Variants in SUMF1 observed in about 807,000 individuals in gnomAD.
SUMF1 encodes the protein sulfatase modifying factor 1, also known as formylglycine-generating enzyme.
In SUMF1, 48 loss-of-function variants were observed where a neutral mutation model predicts 47.6. The observed-to-expected ratio is 1.01, with a 90% CI of 0.80 to 1.28. SUMF1 has a LOEUF of 1.28. Among genes scored for constraint, SUMF1 ranks in the 50% most tolerant of loss-of-function variants. The pLI, the probability that SUMF1 is intolerant of heterozygous loss-of-function variation, is 0.00. For synonymous variants in SUMF1, 230 were observed against 192.1 expected (o/e 1.20, Z -1.63); for missense variants, 571 against 485.4 (o/e 1.18, Z -1.66).
At chr3:4,092,746 C>T (rs989820517) in intron 8 of SUMF1, among the ~76,000 whole-genome samples, 8 of 152,138 alleles carry the variant, frequency 5.3e-5, no homozygotes, top group South Asian at 2.1e-4. Flanking sequence ...TCATTTAGAA[C>T]ACAATCCAAG....
chr3:4,417,300 T>A (rs1177628764), intron 5 of SUMF1, 58 bp from the exon 6 acceptor site: 6 of 1,425,202 alleles, frequency 4.2e-6, no homozygotes, highest in Non-Finnish European at 5.9e-6. Context: ...TGGATGAAAG[T>A]CAAGAGAAGG....
intron 7 of SUMF1, among the ~76,000 whole-genome samples, chr3:4,405,000 C>T (rs1559277945): frequency 1.3e-5 from 2 of 152,090 alleles, no homozygotes; most frequent in Non-Finnish European, 2.9e-5. Flanking sequence ...GCAGTCTCAT[C>T]GCCTGGGCAG....
At chr3:4,415,897 G>C (rs1701695850) in intron 6 of SUMF1, among the ~76,000 whole-genome samples, 1 of 152,186 alleles carries the variant, frequency 6.6e-6, no homozygotes, top group Admixed American at 6.5e-5. Flanking sequence ...TCTGCCAGGG[G>C]AGGACACAGC....
intron 8 of SUMF1, among the ~76,000 whole-genome samples, chr3:4,371,587 T>C (rs1304331870): frequency 6.6e-6 from 1 of 152,210 alleles, no homozygotes; most frequent in Non-Finnish European, 1.5e-5. Flanking sequence ...CCAACTCCTT[T>C]TGCTCTTCAT....
At chr3:4,180,683 A>ACACACACACACACACACAC (rs1553606607) in intron 8 of SUMF1, among the ~76,000 whole-genome samples, 1 of 139,642 alleles carries the variant, frequency 7.2e-6, no homozygotes, top group South Asian at 2.4e-4. Context: ...CCTAGAACTT[A>ACACACACACACACACACAC]ACACACACAC....
In SUMF1 at chr3:4,067,579, C is replaced by T. The variant is rs528715173; in HGVS notation, c.1191+990G>A. ...CAGATAAGGCATTCTGTACAGGAGG[C>T]AATTGAGCAAGCTCTGGGGCATCCC... On this transcript the variant is annotated intron_variant and NMD_transcript_variant, in intron 9 of 12. Transcript: ENST00000448413. Among the ~76,000 whole-genome samples, 155 of 152,300 alleles carry T rather than the reference C, an allele frequency of 1.0e-3. 2 individuals carry two copies. The highest frequency in any genetic ancestry group is 3.3e-3 in the African/African-American group (139 of 41,576).
At chr3:4,182,694 G>C (rs1001168604) in intron 8 of SUMF1, among the ~76,000 whole-genome samples, 16 of 152,024 alleles carry the variant, frequency 1.1e-4, no homozygotes, top group Admixed American at 1.3e-4. Context: ...AGGCATGATG[G>C]CAGGACAATG....
chr3:4,147,777 T>C (rs1694229489), intron 8 of SUMF1, among the ~76,000 whole-genome samples: 1 of 152,144 alleles, frequency 6.6e-6, no homozygotes, highest in Admixed American at 6.5e-5. Context: ...TTTTCCTGTA[T>C]ACCTAACCCA....
chr3:4,417,331 A>AAGCAAGCAATGTTCTCT, intron 5 of SUMF1, 89 bp from the exon 6 acceptor site: 1 of 1,027,402 alleles, frequency 9.7e-7, no homozygotes, highest in Non-Finnish European at 1.5e-6. Context: ...AAAAGAGAAC[A>AAGCAAGCAATGTTCTCT]TTGCTTGCTT....
At chr3:4,367,234 C>A (rs1353245702) in intron 8 of SUMF1, among the ~76,000 whole-genome samples, 1 of 152,152 alleles carries the variant, frequency 6.6e-6, no homozygotes, top group Admixed American at 6.5e-5. Context: ...CTGGGAGAAC[C>A]ACTGCTCTCT....
intron 3 of SUMF1, among the ~76,000 whole-genome samples, chr3:4,429,424 A>G (rs890383858): frequency 6.6e-5 from 10 of 152,186 alleles, no homozygotes; most frequent in Non-Finnish European, 1.0e-4. Flanking sequence ...GATTGCTTCT[A>G]TGTTATTTTT....
intron 8 of SUMF1, among the ~76,000 whole-genome samples, chr3:4,366,154 T>C (rs1409614827): frequency 6.6e-6 from 1 of 151,928 alleles, no homozygotes; most frequent in African/African-American, 2.4e-5. Flanking sequence ...TTAGCATTTT[T>C]TCCTTCATTT....
chr3:4,185,967 C>T (rs1342834754), intron 8 of SUMF1, among the ~76,000 whole-genome samples: 3 of 152,154 alleles, frequency 2.0e-5, no homozygotes, highest in East Asian at 3.9e-4. Context: ...AAGCAAATGT[C>T]TTGCCTTGGA....
intron 7 of SUMF1, among the ~76,000 whole-genome samples, chr3:4,403,691 G>A (rs1251016128): frequency 1.3e-5 from 2 of 152,222 alleles, no homozygotes; most frequent in Non-Finnish European, 2.9e-5. Context: ...GAGTTGGACA[G>A]AGGAAACTTC....
At chr3:4,432,582 G>C (rs1007781080) in intron 3 of SUMF1, among the ~76,000 whole-genome samples, 1 of 152,064 alleles carries the variant, frequency 6.6e-6, no homozygotes. Context: ...CTTGCTCATT[G>C]TTTAGATTTC....
intron 8 of SUMF1, among the ~76,000 whole-genome samples, chr3:4,121,585 A>G (rs997506903): frequency 6.6e-6 from 1 of 152,126 alleles, no homozygotes; most frequent in Non-Finnish European, 1.5e-5. Flanking sequence ...AAAAGTAAAC[A>G]CATGCTCAAA....
At chr3:4,263,610 T>G (rs1352757410) in intron 8 of SUMF1, among the ~76,000 whole-genome samples, 1 of 152,160 alleles carries the variant, frequency 6.6e-6, no homozygotes, top group Non-Finnish European at 1.5e-5. Flanking sequence ...CCTGTCTTCT[T>G]TCACCCAGTT....
At chr3:4,100,396 G>A (rs1252254850) in intron 8 of SUMF1, among the ~76,000 whole-genome samples, 2 of 151,966 alleles carry the variant, frequency 1.3e-5, no homozygotes, top group Non-Finnish European at 2.9e-5. Context: ...CACGTCTACA[G>A]TCAATTAATT....
intron 8 of SUMF1, chr3:4,313,916 AT>A: frequency 7.4e-7 from 1 of 1,350,980 alleles, no homozygotes; most frequent in Non-Finnish European, 9.9e-7. Flanking sequence ...CTGTAATAGA[AT>A]TCTCCATTTA....
Sources: allele counts gnomAD v4.1 joint callset (sites outside exome capture counted in the v4.1 genomes callset), GRCh38; gene constraint gnomAD v4.1.1; transcripts MANE v1.5; gene names NCBI Gene and HGNC (gene_info 2026-07-23, HGNC 2026-07-21).